Variants in ERAP1 observed in about 807,000 individuals in gnomAD.
The protein encoded by ERAP1 is endoplasmic reticulum aminopeptidase 1, also known as adipocyte-derived leucine aminopeptidase.
In ERAP1, 86 loss-of-function variants were observed where a neutral mutation model predicts 103.7. That is an observed-to-expected ratio of 0.83 (90% CI 0.70 to 0.99). The LOEUF (loss-of-function observed/expected upper bound fraction) is 0.99. ERAP1 is among the 50% of genes least tolerant of loss of function. The probability of loss-of-function intolerance (pLI) is 0.00; values close to 1 mark genes in which losing one functional copy is unlikely to be tolerated. For synonymous variants in ERAP1, 398 were observed against 402.4 expected, an observed-to-expected ratio of 0.99 and a Z score of 0.13; for missense variants, 1,009 against 1,128.4, an observed-to-expected ratio of 0.89 and a Z score of 1.52.
chr5:96,783,322 G>C (rs1325459257), intron 14 of ERAP1, 87 bp from the exon 15 acceptor site: 50 of 1,266,218 alleles, frequency 3.9e-5, no homozygotes, highest in Non-Finnish European at 4.7e-5. Context: ...CAGATGATGG[G>C]GGCTAATTTT....
chr5:96,887,201 T>C, the ERAP1 span, among the ~76,000 whole-genome samples: 1 of 151,398 alleles, frequency 6.6e-6, no homozygotes. Context: ...CCATAAAAGT[T>C]GAATGTCATT....
chr5:96,783,227 G>A lies in ERAP1; in HGVS notation c.2109C>T (p.Leu703=). The change falls in exon 15 of 19, where the codon CTC becomes CTT. Residue 703 remains leucine, a synonymous_variant. Coordinates refer to ENST00000443439, the MANE Select transcript of ERAP1 (RefSeq NM_001040458.3). The part of the protein sequence containing the change: ...NEVETQFKAF[L]IRLLRDLIDK... Reference sequence around the variant, plus strand: ...CAATGAGGTCCCTTAGCAGCCTGATGAGGAAGGCCTGAGGGCGTTGTACAG... The same window carrying A: ...CAATGAGGTCCCTTAGCAGCCTGATAAGGAAGGCCTGAGGGCGTTGTACAG... 1 of 1,611,188 alleles carries A rather than the reference G, an allele frequency of 6.2e-7. No individual in the cohort carries two copies. Among genetic ancestry groups the A allele is most frequent in the Non-Finnish European group, 8.5e-7 (1 of 1,177,442 alleles).
chr5:96,811,740 G>A (rs1166188724), upstream of ERAP1, among the ~76,000 whole-genome samples: 2 of 152,244 alleles, frequency 1.3e-5, no homozygotes, highest in Non-Finnish European at 2.9e-5. Flanking sequence ...GACCACAGCT[G>A]CCCTTGAACT....
chr5:96,912,533 G>C, the ERAP1 span: 2 of 717,484 alleles, frequency 2.8e-6, no homozygotes, highest in Non-Finnish European at 4.4e-6. Context: ...ATTGAGTACT[G>C]AAAGCAGTTC....
chr5:96,909,242 A>T, the ERAP1 span: 1 of 844,398 alleles, frequency 1.2e-6, no homozygotes. Flanking sequence ...ACTGACTGAT[A>T]GCATGTAATG....
At chr5:96,821,538 G>A in the ERAP1 span, among the ~76,000 whole-genome samples, 2 of 152,202 alleles carry the variant, frequency 1.3e-5, no homozygotes, top group Non-Finnish European at 1.5e-5. Context: ...ATAAAGGCAA[G>A]AGCAGGGGCA....
the ERAP1 span, chr5:96,879,652 T>C: frequency 6.3e-7 from 1 of 1,580,916 alleles, no homozygotes; most frequent in Non-Finnish European, 8.7e-7. Flanking sequence ...GAGATTAGCC[T>C]GGATATTAAC....
At chr5:96,881,793 A>G in the ERAP1 span, among the ~76,000 whole-genome samples, 1 of 152,180 alleles carries the variant, frequency 6.6e-6, no homozygotes, top group Non-Finnish European at 1.5e-5. Context: ...GATAAGGGCA[A>G]AAAGAAACAT....
the ERAP1 span, among the ~76,000 whole-genome samples, chr5:96,847,543 A>C: frequency 6.6e-6 from 1 of 152,210 alleles, no homozygotes. Flanking sequence ...AAGTGCACAT[A>C]AAACATTTCC....
At chr5:96,912,956 G>A in the ERAP1 span, among the ~76,000 whole-genome samples, 2 of 152,152 alleles carry the variant, frequency 1.3e-5, no homozygotes, top group African/African-American at 4.8e-5. Context: ...TTGACAAAAT[G>A]CAAATAGTGA....
chr5:96,763,348 G>A (rs1243883085), intron 19 of ERAP1: 4 of 744,182 alleles, frequency 5.4e-6, no homozygotes, highest in East Asian at 5.0e-5. Flanking sequence ...TGCCCCGTGT[G>A]TGTGTATGTG....
the ERAP1 span, chr5:96,909,775 A>G: frequency 8.1e-6 from 13 of 1,612,490 alleles, no homozygotes; most frequent in Non-Finnish European, 1.0e-5. Context: ...GTAGATGTAG[A>G]CTTCTGTCCT....
rs1429343034 is a variant in ERAP1, at chr5:96,781,901, T to C, written c.2286-47A>G. On this transcript the variant is annotated intron_variant, in intron 15 of 18. Coordinates refer to ENST00000443439, the MANE Select transcript of ERAP1 (RefSeq NM_001040458.3). ...GTGAGAATCTGAGGTGCAGTAAGTA[T>C]GTTTAGAGGCATAATGGTGACTAAC... The C allele has an allele frequency of 2.5e-6, 4 of 1,593,642 alleles. No individual in the cohort carries two copies. In the East Asian group the frequency reaches 6.7e-5, roughly 27 times the overall value.
chr5:96,832,388 G>A, the ERAP1 span, among the ~76,000 whole-genome samples: 1 of 152,170 alleles, frequency 6.6e-6, no homozygotes, highest in Non-Finnish European at 1.5e-5. Context: ...GGGTAGAATA[G>A]AATGTTGCAC....
At chr5:96,823,489 C>G in the ERAP1 span, among the ~76,000 whole-genome samples, 1 of 152,228 alleles carries the variant, frequency 6.6e-6, no homozygotes, top group African/African-American at 2.4e-5. Flanking sequence ...TCCTTAGAAT[C>G]CATTCCACAC....
chr5:96,814,199 CG>C, the ERAP1 span: 4 of 455,242 alleles, frequency 8.8e-6, no homozygotes, highest in African/African-American at 8.0e-5. Context: ...CATTGACTAT[CG>C]GATTGAGAAC....
intron 8 of ERAP1, 56 bp from the exon 9 acceptor site, chr5:96,790,699 A>C: frequency 6.7e-7 from 1 of 1,491,478 alleles, no homozygotes; most frequent in Middle Eastern, 1.8e-4. Context: ...TCTCATCTGA[A>C]ATCACATATT....
the ERAP1 span, among the ~76,000 whole-genome samples, chr5:96,894,785 T>C: frequency 2.0e-5 from 3 of 152,152 alleles, no homozygotes; most frequent in Admixed American, 6.5e-5. Context: ...TGAATTCTTA[T>C]GATTCTCCTA....
intron 15 of ERAP1, 150 bp downstream of exon 15, chr5:96,782,901 A>C (rs1561670987): frequency 1.3e-6 from 1 of 762,898 alleles, no homozygotes; most frequent in Admixed American, 2.2e-5. Context: ...CGAGATACAT[A>C]GATAAATCTT....
Sources: allele counts gnomAD v4.1 joint callset (sites outside exome capture counted in the v4.1 genomes callset), GRCh38; gene constraint gnomAD v4.1.1; transcripts MANE v1.5; gene names NCBI Gene and HGNC (gene_info 2026-07-23, HGNC 2026-07-21).